Variants in ZW10 observed in about 807,000 individuals in gnomAD.
ZW10 encodes the protein zw10 kinetochore protein, also known as centromere/kinetochore protein zw10 homolog.
ZW10 carries 53 observed loss-of-function variants against 87.8 expected under a neutral mutation model. That is an observed-to-expected ratio of 0.60 (90% CI 0.48 to 0.76). ZW10 has a LOEUF of 0.76. Among genes scored for constraint, ZW10 ranks in the 30% least tolerant of loss-of-function variants. The probability of loss-of-function intolerance (pLI) is 0.00; values close to 1 mark genes in which losing one functional copy is unlikely to be tolerated. For missense variants in ZW10, 837 were observed against 923.0 expected (o/e 0.91, Z 1.21); for synonymous variants, 312 against 329.2 (o/e 0.95, Z 0.57).
At chr11:113,739,165 A>T (rs777146375) in intron 12 of ZW10, 48 bp downstream of exon 12, 3 of 1,593,710 alleles carry the variant, frequency 1.9e-6, no homozygotes, top group Non-Finnish European at 1.7e-6. Context: ...TACTATGTTG[A>T]CAAGCTGCAT....
intron 9 of ZW10, among the ~76,000 whole-genome samples, chr11:113,746,700 T>G (rs1483793007): frequency 6.6e-6 from 1 of 152,170 alleles, no homozygotes; most frequent in East Asian, 1.9e-4. Flanking sequence ...GCAAATCATG[T>G]GATCTGCGGT....
At chr11:113,736,940 A>G (rs1249482300) in intron 14 of ZW10, 118 bp from the exon 15 acceptor site, 2 of 851,760 alleles carry the variant, frequency 2.3e-6, no homozygotes, top group Non-Finnish European at 3.8e-6. Context: ...ATGTTTTCCA[A>G]CCAATTTGGA....
chr11:113,765,200 A>G (rs1370901310), intron 2 of ZW10, among the ~76,000 whole-genome samples: 1 of 152,234 alleles, frequency 6.6e-6, no homozygotes, highest in Non-Finnish European at 1.5e-5. Context: ...TTTCTGGGCA[A>G]TCTTGTCCAT....
intron 7 of ZW10, among the ~76,000 whole-genome samples, chr11:113,749,393 T>C (rs1318465324): frequency 6.6e-6 from 1 of 152,152 alleles, no homozygotes; most frequent in Non-Finnish European, 1.5e-5. Context: ...AGTTTAAAAA[T>C]AGAAGCAGGG....
Position 113,755,541 on chromosome 11 carries a change from T to C in ZW10, c.925+2121A>G, listed in dbSNP as rs548229832. Among the ~76,000 whole-genome samples the C allele has an allele frequency of 3.5e-4, 53 of 152,346 alleles. No homozygotes were observed. The South Asian group carries it at 0.011, about 30-fold the overall frequency. ...AGACAGAATCTACTGCTGGTGAAGA[T>C]GCTGTGAACATTGTTTATATGACAA... On this transcript the variant is annotated intron_variant, in intron 7 of 15. Coordinates refer to ENST00000200135, the MANE Select transcript of ZW10 (RefSeq NM_004724.4).
intron 15 of ZW10, among the ~76,000 whole-genome samples, chr11:113,734,573 G>A (rs1242416236): frequency 3.9e-5 from 6 of 152,160 alleles, no homozygotes; most frequent in Non-Finnish European, 8.8e-5. Context: ...GGGAGGCCGA[G>A]GAAGGCAGAT....
intron 1 of ZW10, among the ~76,000 whole-genome samples, chr11:113,773,187 T>C (rs577311986): frequency 1.3e-5 from 2 of 152,070 alleles, no homozygotes; most frequent in East Asian, 3.9e-4. Flanking sequence ...GCTCCCTAGC[T>C]TCCTCGGAGC....
chr11:113,745,762 C>A (rs1299888716), intron 9 of ZW10, among the ~76,000 whole-genome samples: 2 of 152,098 alleles, frequency 1.3e-5, no homozygotes, highest in Admixed American at 1.3e-4. Context: ...ACAAAAAACA[C>A]AACTATAGAT....
At chr11:113,736,993 A>G (rs1379328301) in intron 14 of ZW10, among the ~76,000 whole-genome samples, 171 bp from the exon 15 acceptor site, 1 of 151,966 alleles carries the variant, frequency 6.6e-6, no homozygotes, top group Admixed American at 6.5e-5. Context: ...CAATACTTCT[A>G]TATAAGAATG....
chr11:113,743,081 T>G (rs537533828), intron 10 of ZW10, among the ~76,000 whole-genome samples: 1 of 152,214 alleles, frequency 6.6e-6, no homozygotes, highest in East Asian at 1.9e-4. Flanking sequence ...AGTCTAGGAG[T>G]AGGGAAGAAG....
intron 2 of ZW10, among the ~76,000 whole-genome samples, chr11:113,761,427 G>T (rs575016883): frequency 6.6e-6 from 1 of 152,118 alleles, no homozygotes; most frequent in South Asian, 2.1e-4. Flanking sequence ...CTACAGGCAC[G>T]CACCACCACA....
At chr11:113,739,982 T>A (rs2134867849) in intron 11 of ZW10, among the ~76,000 whole-genome samples, 1 of 152,358 alleles carries the variant, frequency 6.6e-6, no homozygotes, top group East Asian at 1.9e-4. Context: ...TTAATTCTTC[T>A]ACACGTATTA....
chr11:113,748,494 A>G, intron 7 of ZW10, 74 bp from the exon 8 acceptor site: 1 of 1,335,004 alleles, frequency 7.5e-7, no homozygotes, highest in Non-Finnish European at 1.0e-6. Context: ...GTTTTCTAGA[A>G]TTCTTTAATT....
intron 7 of ZW10, 96 bp from the exon 8 acceptor site, chr11:113,748,516 G>T: frequency 8.2e-6 from 9 of 1,103,784 alleles, no homozygotes; most frequent in Non-Finnish European, 1.1e-5. Flanking sequence ...TAAGATGATG[G>T]GGAAGAAAAC....
At chr11:113,773,220 G>C (rs1173475968) in intron 1 of ZW10, among the ~76,000 whole-genome samples, 1 of 151,712 alleles carries the variant, frequency 6.6e-6, no homozygotes, top group African/African-American at 2.4e-5. Context: ...CTCCCGCTCT[G>C]CTGGTCTCTT....
intron 11 of ZW10, among the ~76,000 whole-genome samples, chr11:113,741,286 T>C (rs1471368957): frequency 6.6e-6 from 1 of 152,234 alleles, no homozygotes; most frequent in African/African-American, 2.4e-5. Context: ...GGCAGATTTT[T>C]GTCTCTGAAA....
At chr11:113,742,518 A>G (rs1460490867) in intron 10 of ZW10, among the ~76,000 whole-genome samples, 1 of 152,208 alleles carries the variant, frequency 6.6e-6, no homozygotes, top group Non-Finnish European at 1.5e-5. Context: ...TTTGAGTTTG[A>G]TAATGAAAAA....
chr11:113,744,256 G>A (rs1953656902), intron 9 of ZW10, among the ~76,000 whole-genome samples: 1 of 152,024 alleles, frequency 6.6e-6, no homozygotes. Context: ...GCGTGGCAGC[G>A]TGCGCCTGTA....
At chr11:113,737,459 C>A in intron 14 of ZW10, 113 bp downstream of exon 14, 1 of 1,082,556 alleles carries the variant, frequency 9.2e-7, no homozygotes, top group African/African-American at 1.6e-5. Context: ...AAAAAAACAG[C>A]ATGAGTTAGA....
Sources: gnomAD v4.1 joint callset for allele counts (sites outside exome capture counted in the v4.1 genomes callset) on GRCh38, gnomAD v4.1.1 for gene constraint, MANE v1.5 for transcripts, NCBI Gene and HGNC (gene_info 2026-07-23, HGNC 2026-07-21) for gene names.